SYNJ2: variants seen among roughly 807,000 people sequenced by gnomAD.
The protein encoded by SYNJ2 is synaptojanin 2.
A neutral mutation model predicts 141.3 loss-of-function variants in SYNJ2; 116 were observed. The observed-to-expected ratio is 0.82, with a 90% CI of 0.71 to 0.96. The LOEUF (loss-of-function observed/expected upper bound fraction) is 0.96. SYNJ2 is among the 40% of genes least tolerant of loss of function. The pLI is 0.00. For synonymous variants in SYNJ2, 745 were observed against 777.7 expected (o/e 0.96, Z 0.70); for missense variants, 1,873 against 1,934.8 (o/e 0.97, Z 0.60).
rs1018921293 is a variant in SYNJ2, at chr6:158,092,111, T to A, written c.3566-815T>A. Among the ~76,000 whole-genome samples the A allele has an allele frequency of 1.9e-3, 283 of 148,476 alleles. 2 individuals carry two copies. The highest frequency in any genetic ancestry group is 6.9e-3 in the African/African-American group (278 of 40,458). On this transcript the variant is annotated intron_variant, in intron 25 of 26. Transcript: ENST00000355585. ...GTGAATTATGTCACAATAAAGCTGTTAAAAAAAAAAAAACTCTAGAGATGT... is the reference window on the plus strand; with the variant it reads ...GTGAATTATGTCACAATAAAGCTGTAAAAAAAAAAAAAACTCTAGAGATGT...
At chr6:158,083,784 G>C (rs566944223) in intron 21 of SYNJ2, among the ~76,000 whole-genome samples, 187 bp downstream of exon 21, 1 of 152,290 alleles carries the variant, frequency 6.6e-6, no homozygotes, top group South Asian at 2.1e-4. Context: ...TGGGACCCGA[G>C]GCATCTAAAC....
At position 158,095,892 on chromosome 6, in the gene SYNJ2, C is replaced by T. The variant is rs895356089; in HGVS notation, c.4019C>T (p.Ala1340Val). ...GTACCCCCGAGGAGGAAGAAGTCAG[C>T]CCCCGCAGCCTTCCACCTGCAGGTC... ...PKVPPRRKKS[A>V]PAAFHLQVLQ... Residue 1340 changes from alanine to valine, a missense_variant, in exon 27 of 27, where the codon GCC (alanine) becomes GTC (valine). Coordinates refer to ENST00000355585, the MANE Select transcript of SYNJ2 (RefSeq NM_003898.4). The T allele has an allele frequency of 1.2e-6, 2 of 1,614,060 alleles. No homozygotes were observed. Among genetic ancestry groups the T allele is most frequent in the Non-Finnish European group, 1.7e-6 (2 of 1,180,006 alleles).
chr6:158,087,165 T>A (rs1783104299), intron 23 of SYNJ2, among the ~76,000 whole-genome samples, 176 bp downstream of exon 23: 1 of 152,196 alleles, frequency 6.6e-6, no homozygotes, highest in African/African-American at 2.4e-5. Flanking sequence ...ACGTCAGGGC[T>A]GGTTGTGTTT....
At chr6:157,989,759 C>T (rs1488872183) in intron 1 of SYNJ2, among the ~76,000 whole-genome samples, 3 of 152,130 alleles carry the variant, frequency 2.0e-5, no homozygotes, top group African/African-American at 2.4e-5. Context: ...TACAAGGCCC[C>T]AGGCTTCTCA....
chr6:158,066,899 C>T (rs1272331171), intron 12 of SYNJ2, among the ~76,000 whole-genome samples: 1 of 152,182 alleles, frequency 6.6e-6, no homozygotes, highest in South Asian at 2.1e-4. Flanking sequence ...AAGTCTTAGG[C>T]TTTCATCAGT....
intron 26 of SYNJ2, chr6:158,093,792 A>G: frequency 2.8e-6 from 2 of 706,104 alleles, no homozygotes; most frequent in Middle Eastern, 2.5e-4. Flanking sequence ...CATTAGGAAA[A>G]CAGTAACCGA....
rs370770411 is a variant in SYNJ2 at position 158,043,264 on chromosome 6, C to T, written c.712-52C>T. On this transcript the variant is annotated intron_variant, in intron 4 of 26. Coordinates refer to ENST00000355585, the MANE Select transcript of SYNJ2 (RefSeq NM_003898.4). The surrounding 1 kb of genome is among the most constrained non-coding windows in gnomAD (Gnocchi z 4.0). ...CCGGATCCCGTTACCCAGCCCAGGA[C>T]GTTCGGTTTCATTGAAGAATACCTT... 133 of 1,532,502 alleles carry T rather than the reference C, an allele frequency of 8.7e-5. No homozygotes were observed. The African/African-American group carries it at 1.3e-3, about 15-fold the overall frequency. The allele number at this position is 1,532,502 out of a possible 1,614,324, so 94.9% of individuals were successfully genotyped here.
At chr6:157,990,160 G>A (rs920433083) in intron 1 of SYNJ2, among the ~76,000 whole-genome samples, 1 of 152,246 alleles carries the variant, frequency 6.6e-6, no homozygotes, top group African/African-American at 2.4e-5. Context: ...GTCAGCCACA[G>A]AGGCAGCTTG....
chr6:158,041,606 T>C (rs1779950771), intron 4 of SYNJ2, among the ~76,000 whole-genome samples: 1 of 152,192 alleles, frequency 6.6e-6, no homozygotes. Flanking sequence ...AAGTCTCAGC[T>C]TGGGAGGAGC....
chr6:158,007,383 A>G (rs1010488211), intron 1 of SYNJ2, among the ~76,000 whole-genome samples: 3 of 152,206 alleles, frequency 2.0e-5, no homozygotes, highest in African/African-American at 4.8e-5. Flanking sequence ...CAGGGCTGCA[A>G]CAGAGCCACG....
At chr6:158,089,651 T>C (rs1783302036) in intron 24 of SYNJ2, among the ~76,000 whole-genome samples, 188 bp from the exon 25 acceptor site, 1 of 151,942 alleles carries the variant, frequency 6.6e-6, no homozygotes, top group South Asian at 2.1e-4. Context: ...CAGGTCTAAG[T>C]AGTATGGCAC....
intron 16 of SYNJ2, 137 bp downstream of exon 16, chr6:158,074,875 C>T (rs764211590): frequency 1.9e-6 from 2 of 1,045,708 alleles, no homozygotes; most frequent in Non-Finnish European, 2.7e-6. Context: ...AATAGGTGGG[C>T]TTGTGAGGTT....
chr6:158,015,126 A>G (rs1359002589), intron 1 of SYNJ2, among the ~76,000 whole-genome samples: 1 of 152,188 alleles, frequency 6.6e-6, no homozygotes, highest in Admixed American at 6.5e-5. Flanking sequence ...CTCTGAGTCA[A>G]CATCTTTAGA....
chr6:157,989,880 C>A (rs999635786), intron 1 of SYNJ2, among the ~76,000 whole-genome samples: 7 of 151,522 alleles, frequency 4.6e-5, no homozygotes, highest in Non-Finnish European at 8.8e-5. Context: ...TCCTGCAGAG[C>A]GTGTCTTCCT....
chr6:158,095,806 C>T lies in SYNJ2; in HGVS notation c.3933C>T (p.Ala1311=), dbSNP rs1783762385. 1 of 1,614,070 alleles carries T rather than the reference C, an allele frequency of 6.2e-7. No homozygotes were observed. The change falls in exon 27 of 27, where the codon GCC becomes GCT. Residue 1311 remains alanine, a synonymous_variant. Transcript: ENST00000355585. ...ACAGGAAGCCAGCATCAGACGAAGC[C>T]CCTCCTGGGGCAGGAGCCTCTGTGC... The part of the protein sequence containing the change: ...PSHRKPASDE[A]PPGAGASVPP...
intron 17 of SYNJ2, 32 bp from the exon 18 acceptor site, chr6:158,078,132 A>G (rs190058276): frequency 7.9e-6 from 11 of 1,393,890 alleles, no homozygotes; most frequent in African/African-American, 7.1e-5. Flanking sequence ...TCGATTCTAT[A>G]TGGGTCTCTC....
Position 158,070,322 on chromosome 6 carries a change from GC to G in SYNJ2, c.1940+653del, listed in dbSNP as rs1295943253. On this transcript the variant is annotated intron_variant, in intron 14 of 26. Coordinates refer to ENST00000355585, the MANE Select transcript of SYNJ2 (RefSeq NM_003898.4). This position sits in a 1 kb window ranked among gnomAD's most constrained non-coding sequence, Gnocchi z 4.0. Reference sequence around the variant, plus strand: ...GGCGTTGAACTGACCTCCCCACTGAGCCCCTGGGTCCCGGGAAGGGCCTGTG... The same window carrying G: ...GGCGTTGAACTGACCTCCCCACTGAGCCCTGGGTCCCGGGAAGGGCCTGTG... 1 of 985,412 alleles carries G rather than the reference GC, an allele frequency of 1.0e-6. No homozygotes were observed. The highest frequency in any genetic ancestry group is 1.2e-6 in the Non-Finnish European group (1 of 830,068). 61.0% of individuals were successfully genotyped at this position (985,412 alleles called of 1,614,324 possible). A position where few individuals can be genotyped will look rare whatever the true frequency, so the allele number is the denominator to read the frequency against.
Position 158,081,112 on chromosome 6 carries a change from T to C in SYNJ2, c.2571T>C (p.Pro857=), listed in dbSNP as rs2128388095. 1 of 1,613,814 alleles carries C rather than the reference T, an allele frequency of 6.2e-7. No individual in the cohort carries two copies. The highest frequency in any genetic ancestry group is 8.5e-7 in the Non-Finnish European group (1 of 1,179,984). ...CCCTCTTTTGTTCCTAACGCAGACC[T>C]GTGCTGGCGATCGTGGAGGTGGAAG... ...RAELQASDHR[P]VLAIVEVEVQ... Residue 857 remains proline (P), a synonymous_variant, in exon 19 of 27, where the codon CCT becomes CCC. Transcript: ENST00000355585.
intron 8 of SYNJ2, among the ~76,000 whole-genome samples, chr6:158,062,897 C>T (rs1001472690): frequency 6.6e-6 from 1 of 152,066 alleles, no homozygotes; most frequent in Admixed American, 6.5e-5. Flanking sequence ...TGGCCCCAAG[C>T]AGTGTGCCGA....
Sources: gnomAD v4.1 joint callset for allele counts (sites outside exome capture counted in the v4.1 genomes callset) on GRCh38, gnomAD v4.1.1 for gene constraint, Gnocchi (gnomAD v3.1) non-coding constraint, MANE v1.5 for transcripts, NCBI Gene and HGNC (gene_info 2026-07-23, HGNC 2026-07-21) for gene names.